ECT2L: variants seen among roughly 807,000 people sequenced by gnomAD.
ECT2L encodes epithelial cell transforming 2 like.
ECT2L carries 126 observed loss-of-function variants against 122.8 expected under a neutral mutation model. The ratio of observed to expected loss-of-function variants is 1.03; its 90% CI spans 0.89 to 1.19. The LOEUF (loss-of-function observed/expected upper bound fraction) is 1.19. Among genes scored for constraint, ECT2L ranks in the 50% most tolerant of loss-of-function variants. The pLI, the probability that ECT2L is intolerant of heterozygous loss-of-function variation, is 0.00. For synonymous variants in ECT2L, 385 were observed against 381.8 expected, an observed-to-expected ratio of 1.01 and a Z score of -0.10; for missense variants, 1,012 against 1,064.1, an observed-to-expected ratio of 0.95 and a Z score of 0.68.
chr6:138,885,762 C>T lies in ECT2L; in HGVS notation c.2191C>T (p.His731Tyr), dbSNP rs144150484. ...YAVRLHTPAE[H>Y]VDRGDLTTAI... ...TGTCAGGCTTCATACCCCTGCAGAGCATGTTGACCGTGGGGACTTGACCAC... is the reference window on the plus strand; with the variant it reads ...TGTCAGGCTTCATACCCCTGCAGAGTATGTTGACCGTGGGGACTTGACCAC... Residue 731 changes from histidine (H) to tyrosine (Y), a missense_variant, in exon 18 of 22, where the codon CAT becomes TAT. By Grantham distance (83) the His-to-Tyr change is moderately conservative (BLOSUM62 2). Transcript: ENST00000541398. 1,204 of 1,614,152 alleles carry T rather than the reference C, an allele frequency of 7.5e-4. 11 individuals are homozygous for T. The African/African-American group carries it at 0.013, about 17-fold the overall frequency.
chr6:138,881,808 G>T (rs1230216893), intron 15 of ECT2L, among the ~76,000 whole-genome samples: 1 of 152,150 alleles, frequency 6.6e-6, no homozygotes, highest in East Asian at 1.9e-4. Context: ...AAGCAACAGG[G>T]AGCGGTTGTA....
chr6:138,849,464 C>A, intron 9 of ECT2L, 30 bp downstream of exon 9: 2 of 1,594,058 alleles, frequency 1.3e-6, no homozygotes, highest in South Asian at 2.3e-5. Flanking sequence ...GATGAACAAC[C>A]ATGGAACTTC....
Position 138,814,517 on chromosome 6 carries a change from A to T in ECT2L, c.93A>T (p.Ile31=), listed in dbSNP as rs1424638241. The T allele has an allele frequency of 1.9e-6, 3 of 1,611,218 alleles. No individual in the cohort carries two copies. The change falls in exon 4 of 22, where the codon ATA becomes ATT. Residue 31 remains isoleucine (I), a synonymous_variant. Transcript: ENST00000541398. The part of the protein sequence containing the change: ...RQLFQERVAL[I]SHWFDLWTNK... ...TCTTTCAGGAAAGAGTGGCTCTTAT[A>T]AGTCATTGGTTTGACCTCTGGACTA...
intron 4 of ECT2L, among the ~76,000 whole-genome samples, chr6:138,816,385 CT>C (rs35598663): frequency 9.3e-5 from 14 of 151,326 alleles, no homozygotes; most frequent in African/African-American, 1.5e-4. Context: ...AGTGAAAGTA[CT>C]TTTTTTTTTT....
rs757233322 is a variant in ECT2L at position 138,838,338 on chromosome 6, CTCTT to C, written c.180-8_180-5del. 1.3e-5 allele frequency: 20 copies of C among 1,566,014 alleles called. No individual in the cohort carries two copies. The African/African-American group carries it at 1.8e-4, about 14-fold the overall frequency. ...GACATTAGTGTTCTAAACTAAATTT[CTCTT>C]TCTTTTTAGGTTTGTCCAAGACTGG... On this transcript the variant is annotated splice_polypyrimidine_tract_variant and intron_variant, in intron 4 of 21. Transcript: ENST00000541398.
chr6:138,846,461 A>G (rs1298724293), intron 7 of ECT2L, 78 bp from the exon 8 acceptor site: 5 of 1,381,498 alleles, frequency 3.6e-6, no homozygotes, highest in Non-Finnish European at 4.8e-6. Flanking sequence ...GCTGATGCCC[A>G]GAGACATATG....
At chr6:138,847,722 AACTC>A (rs1252290921) in intron 8 of ECT2L, among the ~76,000 whole-genome samples, 1 of 151,978 alleles carries the variant, frequency 6.6e-6, no homozygotes, top group African/African-American at 2.4e-5. Context: ...GAGAGGTGAT[AACTC>A]ACTCAAGTGT....
At chr6:138,868,080 G>A (rs1778115349) in intron 12 of ECT2L, 23 bp from the exon 13 acceptor site, 2 of 1,490,994 alleles carry the variant, frequency 1.3e-6, no homozygotes, top group African/African-American at 1.4e-5. Flanking sequence ...TCAATTACAG[G>A]GCATGTGGCC....
intron 1 of ECT2L, among the ~76,000 whole-genome samples, chr6:138,799,034 G>C (rs1303654278): frequency 6.6e-6 from 1 of 152,190 alleles, no homozygotes; most frequent in East Asian, 1.9e-4. Context: ...CTGACCACAA[G>C]CCACTCCGGG....
At chr6:138,820,439 G>A (rs1776233824) in intron 4 of ECT2L, among the ~76,000 whole-genome samples, 1 of 152,170 alleles carries the variant, frequency 6.6e-6, no homozygotes, top group Non-Finnish European at 1.5e-5. Context: ...CAAAGTAAAT[G>A]GTTGAGGATG....
intron 16 of ECT2L, among the ~76,000 whole-genome samples, chr6:138,885,022 CTTTTTTT>C (rs34579502): frequency 1.3e-5 from 1 of 78,850 alleles, no homozygotes; most frequent in African/African-American, 4.8e-5. Flanking sequence ...AACACACATT[CTTTTTTT>C]TTTTTTTTTT....
At position 138,873,872 on chromosome 6, in the gene ECT2L, C is replaced by CTGTGTGTGTG. The variant is rs57839466; in HGVS notation, c.1579-2566_1579-2557dup. Among the ~76,000 whole-genome samples, 712 of 71,352 alleles carry CTGTGTGTGTG rather than the reference C, an allele frequency of 1.0e-2. 8 individuals carry two copies. Among genetic ancestry groups the CTGTGTGTGTG allele is most frequent in the Middle Eastern group, 0.024 (4 of 166 alleles). The allele number at this position is 71,352 out of a possible 152,430, so 46.8% of individuals were successfully genotyped here. ...TACGGATTATCTGTCAAATCCAGGA[C>CTGTGTGTGTG]TGTGTGTGTGTGTGTGTGTGTGTGT... On this transcript the variant is annotated intron_variant, in intron 13 of 21. Coordinates refer to ENST00000541398, the MANE Select transcript of ECT2L (RefSeq NM_001077706.3).
At chr6:138,838,255 T>C (rs1029851257) in intron 4 of ECT2L, 97 bp from the exon 5 acceptor site, 2 of 1,118,942 alleles carry the variant, frequency 1.8e-6, no homozygotes, top group African/African-American at 1.6e-5. Context: ...TTTTTATAGG[T>C]AGAACATTGG....
rs532802319 is a variant in ECT2L, at chr6:138,838,511, A to C, written c.339A>C (p.Glu113Asp). 6 of 1,611,076 alleles carry C rather than the reference A, an allele frequency of 3.7e-6. No homozygotes were observed. The highest frequency in any genetic ancestry group is 1.7e-6 in the Non-Finnish European group (2 of 1,178,952). ...GCTGGCCCTGGAAGTTTTTAACTGA[A>C]CAGGTTTACTATTTGCCACTTCCTA... ...QVSWPWKFLT[E>D]QDCLWMPKCV... The change falls in exon 5 of 22, where the codon GAA (glutamate) becomes GAC (aspartate). Residue 113 changes from glutamate (E) to aspartate (D), a missense_variant. Physicochemically the swap from Glu to Asp is conservative, Grantham distance 45. Coordinates refer to ENST00000541398, the MANE Select transcript of ECT2L (RefSeq NM_001077706.3).
At position 138,892,919 on chromosome 6, in the gene ECT2L, C is replaced by T. The variant is rs1300830666; in HGVS notation, c.2414+3888C>T. Reference sequence around the variant, plus strand: ...GTTAGGTCATATTAACTGTTTGTTGCAGCTTGGCATCAGAGGCTACAGTTT... The same window carrying T: ...GTTAGGTCATATTAACTGTTTGTTGTAGCTTGGCATCAGAGGCTACAGTTT... On this transcript the variant is annotated intron_variant, in intron 20 of 21. Coordinates refer to ENST00000541398, the MANE Select transcript of ECT2L (RefSeq NM_001077706.3). Among the ~76,000 whole-genome samples, 3 of 152,298 alleles carry T rather than the reference C, an allele frequency of 2.0e-5. No homozygotes were observed. In the East Asian group the frequency reaches 5.8e-4, roughly 29 times the overall value.
intron 14 of ECT2L, among the ~76,000 whole-genome samples, chr6:138,877,219 C>T (rs1010856197): frequency 6.6e-6 from 1 of 152,104 alleles, no homozygotes; most frequent in Non-Finnish European, 1.5e-5. Context: ...AATCTTAAGT[C>T]CTGCAGCCCT....
intron 4 of ECT2L, among the ~76,000 whole-genome samples, chr6:138,825,302 G>A (rs1054576425): frequency 6.6e-5 from 10 of 152,144 alleles, no homozygotes; most frequent in South Asian, 2.1e-4. Flanking sequence ...ATATAATGCC[G>A]AGCGCGGTGG....
intron 20 of ECT2L, among the ~76,000 whole-genome samples, chr6:138,898,157 TCA>T (rs1187548306): frequency 6.6e-6 from 1 of 152,176 alleles, no homozygotes; most frequent in Admixed American, 6.5e-5. Flanking sequence ...AGACTGCCCA[TCA>T]CAGACTTAAA....
chr6:138,824,562 AAAAAAC>A lies in ECT2L; in HGVS notation c.179+9965_179+9970del, dbSNP rs1257576173. On this transcript the variant is annotated intron_variant, in intron 4 of 21. Transcript: ENST00000541398. ...GCAATAAAAAAAAAAAAACTATAAA[AAAAAAC>A]AAAAAACAAAAACAAAAAAAACACA... 8.3e-5 allele frequency among the ~76,000 whole-genome samples: 9 copies of A among 108,348 alleles called. No homozygotes were observed. In the East Asian group the frequency reaches 2.1e-3, roughly 26 times the overall value. The allele number at this position is 108,348 out of a possible 152,430, so 71.1% of individuals were successfully genotyped here.
Sources: allele counts gnomAD v4.1 joint callset (sites outside exome capture counted in the v4.1 genomes callset), GRCh38; gene constraint gnomAD v4.1.1; transcripts MANE v1.5; gene names NCBI Gene and HGNC (gene_info 2026-07-23, HGNC 2026-07-21).